The following DAB1 variants were observed in gnomAD, a reference collection of about 807,000 sequenced individuals.
The protein encoded by DAB1 is DAB adaptor protein 1.
DAB1 carries 15 observed loss-of-function variants against 64.6 expected under a neutral mutation model. The observed-to-expected ratio is 0.23, with a 90% CI of 0.16 to 0.36. The LOEUF is 0.36. Ranked by LOEUF, DAB1 falls within the 10% of genes least tolerant of loss-of-function variation. The pLI is 1.00. For missense variants in DAB1, 596 were observed against 706.7 expected, an observed-to-expected ratio of 0.84 and a Z score of 1.78; for synonymous variants, 235 against 251.9, an observed-to-expected ratio of 0.93 and a Z score of 0.64.
chr1:57,211,760 A>G (rs1180797555), intron 2 of DAB1, among the ~76,000 whole-genome samples: 1 of 82,718 alleles, frequency 1.2e-5, no homozygotes, highest in Non-Finnish European at 4.0e-5. Context: ...TAGAAAAAGT[A>G]AAAAACAATA....
chr1:57,019,785 T>C (rs1646554631), intron 11 of DAB1, among the ~76,000 whole-genome samples: 1 of 152,196 alleles, frequency 6.6e-6, no homozygotes, highest in Non-Finnish European at 1.5e-5. Context: ...AGAGCAATCA[T>C]AAATCTCCTT....
intron 5 of DAB1, among the ~76,000 whole-genome samples, chr1:58,047,104 A>G (rs78742210): frequency 0.032 from 4,895 of 152,258 alleles, 200 homozygotes; most frequent in African/African-American, 0.099. Flanking sequence ...TTCAAACTTT[A>G]GTTATTTTGG....
At chr1:57,130,740 T>C (rs1223203665) in intron 4 of DAB1, among the ~76,000 whole-genome samples, 3 of 98,784 alleles carry the variant, frequency 3.0e-5, no homozygotes, top group Non-Finnish European at 4.0e-5. Flanking sequence ...GAGGGAGGGT[T>C]GGGTGGGGAG....
intron 1 of DAB1, among the ~76,000 whole-genome samples, chr1:57,340,474 G>A (rs1305665856): frequency 2.6e-5 from 4 of 152,210 alleles, no homozygotes; most frequent in Non-Finnish European, 2.9e-5. Flanking sequence ...TATCAGATAT[G>A]CTGTACTTGA....
chr1:57,669,534 G>A (rs56323134), intron 6 of DAB1, among the ~76,000 whole-genome samples: 3,352 of 152,156 alleles, frequency 0.022, 114 homozygotes, highest in African/African-American at 0.076. Context: ...AATTGGCCTC[G>A]CAATGTATCC....
At chr1:58,181,064 T>C (rs767278081) in intron 4 of DAB1, among the ~76,000 whole-genome samples, 5 of 152,152 alleles carry the variant, frequency 3.3e-5, no homozygotes, top group Non-Finnish European at 5.9e-5. Context: ...ATTAAGAGTA[T>C]GATATTGAGA....
chr1:58,357,118 C>A (rs572956281), intron 3 of DAB1, among the ~76,000 whole-genome samples: 1 of 151,650 alleles, frequency 6.6e-6, no homozygotes, highest in East Asian at 1.9e-4. Flanking sequence ...AGGGAATGGC[C>A]ATGACACATG....
At chr1:57,190,938 A>G (rs1394397) in intron 2 of DAB1, among the ~76,000 whole-genome samples, 6,977 of 152,318 alleles carry the variant, frequency 0.046, 241 homozygotes, top group African/African-American at 0.099. Flanking sequence ...TTTCAAGTCC[A>G]TAGATAAGTA....
chr1:57,938,373 T>C (rs2102047590), intron 5 of DAB1, among the ~76,000 whole-genome samples: 1 of 152,326 alleles, frequency 6.6e-6, no homozygotes, highest in African/African-American at 2.4e-5. Context: ...AATTTCATCT[T>C]GACTTGTAAT....
intron 1 of DAB1, among the ~76,000 whole-genome samples, chr1:57,853,449 G>C (rs1653620552): frequency 6.6e-6 from 1 of 152,138 alleles, no homozygotes; most frequent in Non-Finnish European, 1.5e-5. Flanking sequence ...AAAACCTTCA[G>C]TATAAATCTA....
chr1:57,779,100 A>T (rs1053214229), intron 6 of DAB1, among the ~76,000 whole-genome samples: 1 of 152,184 alleles, frequency 6.6e-6, no homozygotes, highest in Admixed American at 6.6e-5. Flanking sequence ...ATAATAAAAA[A>T]TTCTATGAAG....
chr1:57,633,830 G>C (rs1157778418), intron 7 of DAB1, among the ~76,000 whole-genome samples: 1 of 152,190 alleles, frequency 6.6e-6, no homozygotes, highest in African/African-American at 2.4e-5. Context: ...TAAGAAGAAA[G>C]AGAATAGGTA....
chr1:57,597,966 T>C (rs1028902846), intron 7 of DAB1, among the ~76,000 whole-genome samples: 10 of 152,150 alleles, frequency 6.6e-5, no homozygotes, highest in Non-Finnish European at 1.3e-4. Context: ...ATTTATTTTT[T>C]AGTTTATTTT....
chr1:57,713,373 G>A (rs1462888800), intron 6 of DAB1, among the ~76,000 whole-genome samples: 1 of 152,112 alleles, frequency 6.6e-6, no homozygotes, highest in Non-Finnish European at 1.5e-5. Context: ...AGGTTACATG[G>A]TACAAGCTGA....
chr1:57,049,359 G>A (rs1422196834), intron 9 of DAB1, among the ~76,000 whole-genome samples: 1 of 143,994 alleles, frequency 6.9e-6, no homozygotes, highest in Non-Finnish European at 1.5e-5. Context: ...GCTGAGGCAG[G>A]AGAATGGCAT....
chr1:58,475,126 C>G (rs1237625287), intron 3 of DAB1, among the ~76,000 whole-genome samples: 1 of 152,066 alleles, frequency 6.6e-6, no homozygotes, highest in African/African-American at 2.4e-5. Flanking sequence ...CAGACAAGAG[C>G]CGTAATGGAT....
At chr1:57,601,721 T>C (rs1645577884) in intron 7 of DAB1, among the ~76,000 whole-genome samples, 1 of 152,244 alleles carries the variant, frequency 6.6e-6, no homozygotes, top group South Asian at 2.1e-4. Flanking sequence ...GACTGATGAC[T>C]CACCATGAGA....
intron 6 of DAB1, among the ~76,000 whole-genome samples, chr1:57,757,841 G>A (rs943913691): frequency 6.6e-6 from 1 of 152,122 alleles, no homozygotes; most frequent in Non-Finnish European, 1.5e-5. Context: ...TTTTGAGACA[G>A]GGTCTTGCTG....
intron 5 of DAB1, among the ~76,000 whole-genome samples, chr1:57,071,974 A>G (rs550328565): frequency 6.6e-6 from 1 of 152,052 alleles, no homozygotes; most frequent in African/African-American, 2.4e-5. Context: ...AAATGAGGCT[A>G]TGAACGCAAG....
Sources: gnomAD v4.1 joint callset for allele counts (sites outside exome capture counted in the v4.1 genomes callset) on GRCh38, gnomAD v4.1.1 for gene constraint, MANE v1.5 for transcripts, NCBI Gene and HGNC (gene_info 2026-07-23, HGNC 2026-07-21) for gene names.